The following ME3 variants were observed in gnomAD, a reference collection of about 807,000 sequenced individuals.
ME3 encodes the protein NADP-dependent malic enzyme, mitochondrial.
ME3 carries 48 observed loss-of-function variants against 68.9 expected under a neutral mutation model. That is an observed-to-expected ratio of 0.70 (90% CI 0.55 to 0.89). The LOEUF (loss-of-function observed/expected upper bound fraction) is 0.89, where lower values mean the gene tolerates loss of function less well. ME3 is among the 40% of genes least tolerant of loss of function. The probability of loss-of-function intolerance (pLI) is 0.00; values close to 1 mark genes in which losing one functional copy is unlikely to be tolerated. For synonymous variants in ME3, 320 were observed against 318.8 expected, an observed-to-expected ratio of 1.00 and a Z score of -0.04; for missense variants, 675 against 797.4, an observed-to-expected ratio of 0.85 and a Z score of 1.85.
At chr11:86,667,637 A>G (rs775165164) in intron 2 of ME3, 5 of 152,200 alleles carry the variant, frequency 3.3e-5, no homozygotes, top group Non-Finnish European at 7.3e-5. Context: ...AGGCAAACCA[A>G]CCAGCCATTG....
chr11:86,536,225 G>A (rs1955648642), intron 4 of ME3, among the ~76,000 whole-genome samples: 1 of 152,028 alleles, frequency 6.6e-6, no homozygotes, highest in East Asian at 1.9e-4. Flanking sequence ...ATAGGCATGA[G>A]CAAGGACTTC....
rs116472228 is a variant in ME3 at position 86,556,838 on chromosome 11, C to T, written c.318-136G>A. 2.7e-3 allele frequency: 2,338 copies of T among 851,874 alleles called. 45 individuals are homozygous for T. The African/African-American group carries it at 0.036, about 13-fold the overall frequency. The allele number at this position is 851,874 out of a possible 1,614,324, so 52.8% of individuals were successfully genotyped here. ...TCATGGGCAAGCCATCTGCCCTGAG[C>T]ATGAGCTTCAACAGCTATGAAATGT... On this transcript the variant is annotated intron_variant, in intron 3 of 14. Transcript: ENST00000543262.
chr11:86,598,306 C>G (rs34920485), intron 2 of ME3, among the ~76,000 whole-genome samples: 4 of 152,216 alleles, frequency 2.6e-5, no homozygotes, highest in Non-Finnish European at 5.9e-5. Context: ...TATCCCGCAC[C>G]TGGCTTGGAG....
In ME3 at chr11:86,565,192, C is replaced by T. The variant is rs185558797; in HGVS notation, c.184-5369G>A. On this transcript the variant is annotated intron_variant, in intron 2 of 14. Coordinates refer to ENST00000543262, the Ensembl canonical transcript of ME3. ...AGAATGGCTGAAATTAAAACACACA[C>T]GTACACATACACACACACACACCCC... Among the ~76,000 whole-genome samples, 16 of 152,102 alleles carry T rather than the reference C, an allele frequency of 1.1e-4. 1 individual carries two copies. The East Asian group carries it at 2.5e-3, about 24-fold the overall frequency.
intron 6 of ME3, 87 bp from the exon 7 acceptor site, chr11:86,487,527 G>T (rs1951765036): frequency 3.8e-6 from 4 of 1,066,618 alleles, no homozygotes; most frequent in Non-Finnish European, 5.7e-6. Context: ...TTATTAGGAA[G>T]AACCAGAAGG....
intron 4 of ME3, among the ~76,000 whole-genome samples, chr11:86,553,275 C>T (rs1484542400): frequency 6.6e-6 from 1 of 152,252 alleles, no homozygotes; most frequent in Non-Finnish European, 1.5e-5. Context: ...TCAATTTTAG[C>T]ATCAGCTGGA....
chr11:86,456,736 C>T (rs1392551573), intron 8 of ME3, among the ~76,000 whole-genome samples: 2 of 152,092 alleles, frequency 1.3e-5, no homozygotes, highest in African/African-American at 4.8e-5. Context: ...GAGCTCAGAA[C>T]AATGGGAAAT....
intron 7 of ME3, among the ~76,000 whole-genome samples, chr11:86,468,512 T>G (rs934358287): frequency 6.6e-6 from 1 of 152,232 alleles, no homozygotes; most frequent in African/African-American, 2.4e-5. Context: ...GATGATCTGA[T>G]ACTATAGTTT....
chr11:86,657,187 T>C (rs375343225), intron 2 of ME3, among the ~76,000 whole-genome samples: 2 of 152,310 alleles, frequency 1.3e-5, no homozygotes, highest in South Asian at 4.1e-4. Context: ...ATTGCAGCAC[T>C]ATTCACAATA....
intron 4 of ME3, among the ~76,000 whole-genome samples, chr11:86,539,433 C>T (rs1478664219): frequency 2.0e-5 from 3 of 152,128 alleles, no homozygotes; most frequent in Admixed American, 2.0e-4. Context: ...CTTATATTGG[C>T]TTAGAATTGT....
At chr11:86,482,702 C>T (rs1399320450) in intron 7 of ME3, among the ~76,000 whole-genome samples, 1 of 151,676 alleles carries the variant, frequency 6.6e-6, no homozygotes, top group African/African-American at 2.4e-5. Flanking sequence ...TTCTTAGGAG[C>T]CCTAGACTAT....
chr11:86,585,727 G>A (rs1184529889), intron 2 of ME3, among the ~76,000 whole-genome samples: 3 of 152,156 alleles, frequency 2.0e-5, no homozygotes, highest in African/African-American at 7.2e-5. Flanking sequence ...CAATTGAAAC[G>A]ATAATGGGGT....
intron 4 of ME3, among the ~76,000 whole-genome samples, chr11:86,530,726 C>T (rs189217184): frequency 9.5e-4 from 144 of 152,264 alleles, no homozygotes; most frequent in Middle Eastern, 3.4e-3. Flanking sequence ...TTTGAGAAAC[C>T]TGACAAAAAC....
intron 2 of ME3, among the ~76,000 whole-genome samples, chr11:86,569,213 G>A (rs1018538368): frequency 6.6e-6 from 1 of 152,196 alleles, no homozygotes; most frequent in Non-Finnish European, 1.5e-5. Context: ...TCTGGCAGAA[G>A]GGGCTGCAAG....
chr11:86,465,278 G>T, intron 7 of ME3, 78 bp from the exon 8 acceptor site: 2 of 1,110,694 alleles, frequency 1.8e-6, no homozygotes, highest in Non-Finnish European at 2.8e-6. Flanking sequence ...TGCACAGTGG[G>T]GTGGGGAGGT....
chr11:86,521,992 G>A (rs534361001), intron 4 of ME3, among the ~76,000 whole-genome samples: 1 of 152,326 alleles, frequency 6.6e-6, no homozygotes, highest in East Asian at 1.9e-4. Flanking sequence ...ACTCATACCT[G>A]TAATCCCAGT....
chr11:86,564,496 G>A (rs1302524985), intron 2 of ME3, among the ~76,000 whole-genome samples: 2 of 145,656 alleles, frequency 1.4e-5, no homozygotes, highest in African/African-American at 2.5e-5. Flanking sequence ...ACTGGCATAA[G>A]AATAGACATA....
At chr11:86,534,075 GTGTGTGTATATATATA>G (rs746536450) in intron 4 of ME3, among the ~76,000 whole-genome samples, 1,584 of 38,274 alleles carry the variant, frequency 0.041, 40 homozygotes, top group African/African-American at 0.1. Context: ...AGGTGTGTGT[GTGTGTGTATATATATA>G]TATATATATA....
At chr11:86,509,009 G>A (rs1163359002) in intron 4 of ME3, 142 bp from the exon 5 acceptor site, 2 of 660,130 alleles carry the variant, frequency 3.0e-6, no homozygotes, top group Non-Finnish European at 5.3e-6. Context: ...GGCCCCAGCA[G>A]TTTAGAGGGT....
Sources: allele counts gnomAD v4.1 joint callset (sites outside exome capture counted in the v4.1 genomes callset), GRCh38; gene constraint gnomAD v4.1.1; transcripts MANE v1.5; gene names NCBI Gene and HGNC (gene_info 2026-07-23, HGNC 2026-07-21).